CADM3: variants seen among roughly 807,000 people sequenced by gnomAD.
CADM3 encodes cell adhesion molecule 3, also known as TSLC1-like 1.
Under a neutral mutation model 44.9 loss-of-function variants are expected in CADM3, and 11 were observed. That is an observed-to-expected ratio of 0.25 (90% CI 0.15 to 0.41). The LOEUF is 0.41. Ranked by LOEUF, CADM3 falls within the 10% of genes least tolerant of loss-of-function variation. The pLI is 1.00. For missense variants in CADM3, 426 were observed against 512.0 expected, an observed-to-expected ratio of 0.83 and a Z score of 1.62; for synonymous variants, 207 against 205.2, an observed-to-expected ratio of 1.01 and a Z score of -0.08.
intron 1 of CADM3, among the ~76,000 whole-genome samples, chr1:159,189,413 T>C (rs1649555772): frequency 6.6e-6 from 1 of 152,256 alleles, no homozygotes. Flanking sequence ...TTCATTTTTC[T>C]CTAGTGAACT....
intron 5 of CADM3, chr1:159,196,098 T>C (rs1042869106): frequency 4.9e-6 from 2 of 407,258 alleles, no homozygotes; most frequent in South Asian, 3.3e-5. Flanking sequence ...CTCATTTCCC[T>C]TCTCAGCTTT....
chr1:159,174,884 T>C (rs540996875), intron 1 of CADM3, among the ~76,000 whole-genome samples: 7 of 152,362 alleles, frequency 4.6e-5, no homozygotes, highest in Admixed American at 3.9e-4. Context: ...TCTGAAGTTA[T>C]TTCCAGCACT....
In CADM3 at chr1:159,201,812, C is replaced by T. The variant is rs1260948408; in HGVS notation, c.*890C>T. The stretch of plus-strand genomic sequence containing the variant: ...GGGCCTGAACTGCCTCTGCTTCCCC[C>T]CCTGAGGGGCCCCTCACTCTTACCC... On this transcript the variant is annotated 3_prime_UTR_variant, in exon 9 of 9. Transcript: ENST00000368125. The T allele has an allele frequency of 2.0e-5, 3 of 152,764 alleles. No individual in the cohort carries two copies. Among genetic ancestry groups the T allele is most frequent in the Non-Finnish European group, 4.4e-5 (3 of 68,172 alleles). The allele number at this position is 152,764 out of a possible 1,614,324, so 9.5% of individuals were successfully genotyped here.
intron 7 of CADM3, among the ~76,000 whole-genome samples, chr1:159,199,382 AAAG>A (rs749265695): frequency 4.6e-5 from 7 of 150,960 alleles, no homozygotes; most frequent in Admixed American, 4.6e-4. Flanking sequence ...GAAGGAAGGA[AAAG>A]AAGAGGCGGA....
chr1:159,192,118 C>A (rs1649690545), intron 2 of CADM3, 42 bp downstream of exon 2: 1 of 1,604,946 alleles, frequency 6.2e-7, no homozygotes, highest in South Asian at 1.1e-5. Flanking sequence ...AAACCATGGG[C>A]TAGAGAAGGG....
chr1:159,178,799 C>T (rs1040165234), intron 1 of CADM3, among the ~76,000 whole-genome samples: 3 of 152,174 alleles, frequency 2.0e-5, no homozygotes, highest in African/African-American at 7.2e-5. Context: ...ATTAGCCAGC[C>T]TGTTCTTCAC....
rs34738082 is a variant in CADM3 at position 159,199,468 on chromosome 1, C to A, written c.953-283C>A. ...AGGGAAGGAAGGAGAGGCATTAAAGCAATGATCTTTGACCAAGGCCAAGCT... is the reference window on the plus strand; with the variant it reads ...AGGGAAGGAAGGAGAGGCATTAAAGAAATGATCTTTGACCAAGGCCAAGCT... On this transcript the variant is annotated intron_variant, in intron 7 of 8. Transcript: ENST00000368125. Among the ~76,000 whole-genome samples, 1,345 of 152,052 alleles carry A rather than the reference C, an allele frequency of 8.8e-3. 20 individuals carry two copies. Among genetic ancestry groups the A allele is most frequent in the African/African-American group, 0.03 (1,264 of 41,472 alleles).
chr1:159,184,085 C>T (rs930870996), intron 1 of CADM3, among the ~76,000 whole-genome samples: 3 of 152,160 alleles, frequency 2.0e-5, no homozygotes, highest in African/African-American at 7.2e-5. Context: ...TATTCACTGT[C>T]AAAGAAAACT....
chr1:159,189,251 G>C (rs61828178), intron 1 of CADM3, among the ~76,000 whole-genome samples: 1 of 152,142 alleles, frequency 6.6e-6, no homozygotes, highest in East Asian at 1.9e-4. Flanking sequence ...TGCAAAATAG[G>C]AATGATAATG....
chr1:159,189,249 A>G (rs187285730), intron 1 of CADM3, among the ~76,000 whole-genome samples: 3 of 152,356 alleles, frequency 2.0e-5, no homozygotes, highest in Non-Finnish European at 2.9e-5. Flanking sequence ...TCTGCAAAAT[A>G]GGAATGATAA....
chr1:159,200,675 T>C, intron 8 of CADM3, 129 bp from the exon 9 acceptor site: 1 of 623,258 alleles, frequency 1.6e-6, no homozygotes, highest in East Asian at 3.0e-5. Context: ...TAAGGTGGAG[T>C]AGAAGAGAGC....
At chr1:159,187,165 A>G (rs558807874) in intron 1 of CADM3, among the ~76,000 whole-genome samples, 1 of 152,350 alleles carries the variant, frequency 6.6e-6, no homozygotes, top group Admixed American at 6.5e-5. Flanking sequence ...TGTTGGACAG[A>G]ATACATGCTC....
In CADM3 at chr1:159,193,996, T is replaced by C; in HGVS notation, c.647T>C (p.Leu216Pro). 6.2e-7 allele frequency: 1 copy of C among 1,614,110 alleles called. No homozygotes were observed. Among genetic ancestry groups the C allele is most frequent in the Non-Finnish European group, 8.5e-7 (1 of 1,180,006 alleles). The change falls in exon 5 of 9, where the codon CTA becomes CCA. Residue 216 changes from leucine to proline, a missense_variant. Coordinates refer to ENST00000368125, the MANE Select transcript of CADM3 (RefSeq NM_001127173.3). Reference sequence around the variant, plus strand: ...GTGTGCTCTGTGAACCATGAATCTCTAAAGGGAGCTGACAGATCCACCTCT... The same window carrying C: ...GTGTGCTCTGTGAACCATGAATCTCCAAAGGGAGCTGACAGATCCACCTCT... ...SIVCSVNHES[L>P]KGADRSTSQR... is the part of the protein sequence containing the mutation.
At chr1:159,189,994 C>T in intron 1 of CADM3, 1 of 678,156 alleles carries the variant, frequency 1.5e-6, no homozygotes, top group Non-Finnish European at 2.6e-6. Context: ...ACAGCACTTT[C>T]TCCTTTCCAT....
chr1:159,188,555 C>T (rs1376426651), intron 1 of CADM3, among the ~76,000 whole-genome samples: 2 of 152,106 alleles, frequency 1.3e-5, no homozygotes, highest in African/African-American at 4.8e-5. Context: ...TGGCGAAGTT[C>T]ACCCGGGACT....
intron 1 of CADM3, among the ~76,000 whole-genome samples, chr1:159,187,101 C>A (rs1472100434): frequency 2.2e-4 from 34 of 152,128 alleles, no homozygotes. Context: ...GAGGAGGATG[C>A]AGAAAAAAGC....
At chr1:159,193,724 C>T (rs543870762) in intron 4 of CADM3, 146 bp from the exon 5 acceptor site, 6 of 1,408,294 alleles carry the variant, frequency 4.3e-6, no homozygotes, top group Non-Finnish European at 5.9e-6. Context: ...GGCCTACATT[C>T]TCCCTGCCAC....
chr1:159,192,101 T>C, intron 2 of CADM3, 25 bp downstream of exon 2: 1 of 1,612,148 alleles, frequency 6.2e-7, no homozygotes, highest in East Asian at 2.2e-5. Flanking sequence ...GTTATCTTTC[T>C]CCGTGAAAAC....
At chr1:159,189,443 C>T (rs1314534206) in intron 1 of CADM3, among the ~76,000 whole-genome samples, 3 of 152,162 alleles carry the variant, frequency 2.0e-5, no homozygotes, top group African/African-American at 7.2e-5. Flanking sequence ...CACTTTTAAC[C>T]TTTAAGGGTT....
Sources: gnomAD v4.1 joint callset for allele counts (sites outside exome capture counted in the v4.1 genomes callset) on GRCh38, gnomAD v4.1.1 for gene constraint, MANE v1.5 for transcripts, NCBI Gene and HGNC (gene_info 2026-07-23, HGNC 2026-07-21) for gene names.